ERC1: variants seen among roughly 807,000 people sequenced by gnomAD.
ERC1 encodes RAB6 interacting protein 2.
A neutral mutation model predicts 132.0 loss-of-function variants in ERC1; 56 were observed. That is an observed-to-expected ratio of 0.42 (90% CI 0.34 to 0.53). The LOEUF (loss-of-function observed/expected upper bound fraction) is 0.53, where lower values mean the gene tolerates loss of function less well. Among genes scored for constraint, ERC1 ranks in the 20% least tolerant of loss-of-function variants. The probability of loss-of-function intolerance (pLI) is 0.03; values close to 1 mark genes in which losing one functional copy is unlikely to be tolerated. For missense variants in ERC1, 1,202 were observed against 1,349.9 expected (o/e 0.89, Z 1.72); for synonymous variants, 478 against 476.1 (o/e 1.00, Z -0.05).
At chr12:1,451,797 G>T (rs1431063403) in intron 18 of ERC1, among the ~76,000 whole-genome samples, 1 of 151,970 alleles carries the variant, frequency 6.6e-6, no homozygotes, top group Non-Finnish European at 1.5e-5. Context: ...TTCCTATGTT[G>T]AAGTCTTAAC....
intron 15 of ERC1, among the ~76,000 whole-genome samples, chr12:1,335,043 AG>A (rs1396014216): frequency 6.6e-6 from 1 of 152,094 alleles, no homozygotes; most frequent in African/African-American, 2.4e-5. Context: ...CTGTTGGTGT[AG>A]AGGAATGCTA....
At position 1,042,501 on chromosome 12, in the gene ERC1, A is replaced by G. The variant is rs578243624; in HGVS notation, c.669+13929A>G. ...GCTGGGATTACAGGCACCTGCCACT[A>G]TGCTCACCTAATTTTGGAATTTTTA... On this transcript the variant is annotated intron_variant, in intron 2 of 18. Transcript: ENST00000360905. Among the ~76,000 whole-genome samples the G allele has an allele frequency of 2.6e-5, 4 of 151,796 alleles. No homozygotes were observed. In the South Asian group the frequency reaches 8.3e-4, roughly 32 times the overall value.
Position 1,280,534 on chromosome 12 carries a change from A to G in ERC1, c.2620-9318A>G, listed in dbSNP as rs370686826. Among the ~76,000 whole-genome samples the G allele has an allele frequency of 3.3e-5, 5 of 152,326 alleles. No homozygotes were observed. The South Asian group carries it at 8.3e-4, about 25-fold the overall frequency. ...TTCTGTGTACTAACAGTGATTTGGC[A>G]TAAGTTTTGTAATCTCTCCAAGTAT... On this transcript the variant is annotated intron_variant, in intron 14 of 18. Transcript: ENST00000360905.
At chr12:1,383,675 C>A (rs1048429672) in intron 16 of ERC1, among the ~76,000 whole-genome samples, 2 of 152,166 alleles carry the variant, frequency 1.3e-5, no homozygotes, top group Non-Finnish European at 2.9e-5. Flanking sequence ...ATGATATTTG[C>A]ATTCAAGGAT....
chr12:1,342,448 CAA>C (rs1439109615), intron 15 of ERC1, among the ~76,000 whole-genome samples: 65 of 118,398 alleles, frequency 5.5e-4, no homozygotes, highest in Non-Finnish European at 1.1e-3. Flanking sequence ...GCCTGGGCGA[CAA>C]AGAGCGAAAC....
At chr12:1,078,715 G>C (rs1335358538) in intron 2 of ERC1, among the ~76,000 whole-genome samples, 1 of 152,076 alleles carries the variant, frequency 6.6e-6, no homozygotes, top group Non-Finnish European at 1.5e-5. Flanking sequence ...TCTTAAAATG[G>C]ATTAAGAAAA....
intron 18 of ERC1, among the ~76,000 whole-genome samples, chr12:1,473,335 C>T (rs935754454): frequency 2.0e-5 from 3 of 152,118 alleles, no homozygotes; most frequent in Admixed American, 6.5e-5. Flanking sequence ...CCCAAACTCT[C>T]GTTTTTATTA....
At chr12:1,228,365 T>TTGTTAGTGTATAGAA in intron 12 of ERC1, among the ~76,000 whole-genome samples, 1 of 151,616 alleles carries the variant, frequency 6.6e-6, no homozygotes, top group East Asian at 1.9e-4. Flanking sequence ...TACAAAAATA[T>TTGTTAGTGTATAGAA]ACAACTAATT....
intron 9 of ERC1, among the ~76,000 whole-genome samples, chr12:1,181,378 A>G (rs758217590): frequency 6.6e-6 from 1 of 152,218 alleles, no homozygotes; most frequent in Non-Finnish European, 1.5e-5. Context: ...AAATGGAAAT[A>G]TTGCAAAAGA....
chr12:991,295 A>AGCG lies in ERC1; in HGVS notation c.-182_-181insGGC, dbSNP rs1959200038. 5 of 165,792 alleles carry AGCG rather than the reference A, an allele frequency of 3.0e-5. No individual in the cohort carries two copies. The highest frequency in any genetic ancestry group is 9.7e-5 in the African/African-American group (4 of 41,118). 10.3% of individuals were successfully genotyped at this position (165,792 alleles called of 1,614,324 possible). ...GCGGCGGCGGTGCCTGGGCGGCAGC[A>AGCG]GCAGCAGTAGCGGCAGCCCTGAGGA... is the stretch of plus-strand genomic sequence containing the variant. On this transcript the variant is annotated 5_prime_UTR_variant, in exon 1 of 19. Transcript: ENST00000360905.
chr12:1,343,477 A>G (rs1207882201), intron 15 of ERC1, among the ~76,000 whole-genome samples: 2 of 152,212 alleles, frequency 1.3e-5, no homozygotes, highest in East Asian at 3.8e-4. Context: ...CACCAGGAAT[A>G]TCGTATCTAG....
At chr12:1,052,880 G>T (rs536270714) in intron 2 of ERC1, among the ~76,000 whole-genome samples, 2 of 152,166 alleles carry the variant, frequency 1.3e-5, no homozygotes, top group African/African-American at 4.8e-5. Flanking sequence ...TGAGGCAGGA[G>T]AATTTCTTGA....
At chr12:1,317,256 G>A (rs1321428752) in intron 15 of ERC1, among the ~76,000 whole-genome samples, 1 of 151,900 alleles carries the variant, frequency 6.6e-6, no homozygotes, top group African/African-American at 2.4e-5. Context: ...CCTTTGCAGG[G>A]ACATGGATGA....
chr12:1,259,524 T>C (rs112875217), intron 13 of ERC1, among the ~76,000 whole-genome samples: 30 of 53,838 alleles, frequency 5.6e-4, no homozygotes, highest in African/African-American at 7.4e-4. Flanking sequence ...TTCTTTCTTT[T>C]TTTTTTTTTT....
In ERC1 at chr12:1,189,957, C is replaced by G; in HGVS notation, c.2256C>G (p.Ser752Arg). Residue 752 changes from serine (S) to arginine (R), a missense_variant, in exon 12 of 19, where the codon AGC becomes AGG. Ser to Arg is a moderately radical substitution (Grantham distance 110). Coordinates refer to ENST00000360905, the MANE Select transcript of ERC1 (RefSeq NM_178040.4). Reference sequence around the variant, plus strand: ...TCACCAGGTACAAAGATGAATCTAGCAAGGCCCAGGCAGAAGTTGATCGAC... The same window carrying G: ...TCACCAGGTACAAAGATGAATCTAGGAAGGCCCAGGCAGAAGTTGATCGAC... ...REITRYKDES[S>R]KAQAEVDRLL... 6.2e-7 allele frequency: 1 copy of G among 1,613,974 alleles called. No individual in the cohort carries two copies. Among genetic ancestry groups the G allele is most frequent in the Non-Finnish European group, 8.5e-7 (1 of 1,179,922 alleles).
At chr12:1,220,633 A>C (rs1958888551) in intron 12 of ERC1, among the ~76,000 whole-genome samples, 1 of 152,254 alleles carries the variant, frequency 6.6e-6, no homozygotes. Flanking sequence ...AGGGATTGGC[A>C]AACTACAGCT....
chr12:1,114,116 C>G (rs1295033675), intron 6 of ERC1, among the ~76,000 whole-genome samples: 1 of 152,058 alleles, frequency 6.6e-6, no homozygotes, highest in Non-Finnish European at 1.5e-5. Context: ...CTCTGACTCC[C>G]TGGTTCAAGC....
At chr12:1,434,424 G>C (rs7135327) in intron 17 of ERC1, among the ~76,000 whole-genome samples, 9 of 151,984 alleles carry the variant, frequency 5.9e-5, no homozygotes, top group African/African-American at 2.2e-4. Context: ...TTATTGACTC[G>C]TGTAGTTACC....
chr12:1,098,477 C>T (rs769552629), intron 3 of ERC1, among the ~76,000 whole-genome samples: 7 of 152,282 alleles, frequency 4.6e-5, no homozygotes, highest in South Asian at 2.1e-4. Context: ...GAAATACTTC[C>T]GCACTAGAAC....
Sources: allele counts gnomAD v4.1 joint callset (sites outside exome capture counted in the v4.1 genomes callset), GRCh38; gene constraint gnomAD v4.1.1; transcripts MANE v1.5; gene names NCBI Gene and HGNC (gene_info 2026-07-23, HGNC 2026-07-21).